Variants in PRR16 observed in about 807,000 individuals in gnomAD.
PRR16 encodes the protein proline rich 16.
A neutral mutation model predicts 18.2 loss-of-function variants in PRR16; 6 were observed. The ratio of observed to expected loss-of-function variants is 0.33; its 90% confidence interval spans 0.18 to 0.65. PRR16 has a LOEUF of 0.65. Among genes scored for constraint, PRR16 ranks in the 30% least tolerant of loss-of-function variants. The pLI, the probability that PRR16 is intolerant of heterozygous loss-of-function variation, is 0.74. For synonymous variants in PRR16, 151 were observed against 147.8 expected, an observed-to-expected ratio of 1.02 and a Z score of -0.16; for missense variants, 412 against 376.6, an observed-to-expected ratio of 1.09 and a Z score of -0.78.
At chr5:120,581,866 C>T (rs1040012188) in intron 1 of PRR16, among the ~76,000 whole-genome samples, 14 of 152,212 alleles carry the variant, frequency 9.2e-5, no homozygotes, top group Admixed American at 3.9e-4. Context: ...TATGATTTCA[C>T]TGTGGTCTGA....
the PRR16 span, among the ~76,000 whole-genome samples, chr5:120,727,500 G>T: frequency 6.6e-6 from 1 of 152,062 alleles, no homozygotes; most frequent in East Asian, 1.9e-4. Context: ...TCTTTTCTTT[G>T]CAACCTTTCA....
chr5:120,593,868 G>A (rs942466062), intron 1 of PRR16, among the ~76,000 whole-genome samples: 2 of 152,004 alleles, frequency 1.3e-5, no homozygotes, highest in Non-Finnish European at 2.9e-5. Context: ...CAATAAATGT[G>A]ATTCATCACA....
At chr5:120,735,664 T>TTGGTGG in the PRR16 span, among the ~76,000 whole-genome samples, 5 of 1,790 alleles carry the variant, frequency 2.8e-3, no homozygotes, top group African/African-American at 3.0e-3. Flanking sequence ...ACTCATATTT[T>TTGGTGG]TGTTGTTGTT....
At chr5:120,695,917 C>T in the PRR16 span, among the ~76,000 whole-genome samples, 3 of 104,952 alleles carry the variant, frequency 2.9e-5, no homozygotes, top group East Asian at 2.9e-4. Flanking sequence ...AATCTTATTC[C>T]AACATATATA....
At chr5:120,648,264 C>T (rs1755661634) in intron 1 of PRR16, among the ~76,000 whole-genome samples, 1 of 152,060 alleles carries the variant, frequency 6.6e-6, no homozygotes, top group Non-Finnish European at 1.5e-5. Flanking sequence ...TATTGAGTGT[C>T]TTTAATAGTT....
chr5:120,568,922 A>G (rs980071252), intron 1 of PRR16, among the ~76,000 whole-genome samples: 1 of 152,032 alleles, frequency 6.6e-6, no homozygotes, highest in African/African-American at 2.4e-5. Context: ...AAACAAACAC[A>G]ATAGCATCAC....
chr5:120,539,229 A>G (rs1751829154), intron 1 of PRR16, among the ~76,000 whole-genome samples: 1 of 151,548 alleles, frequency 6.6e-6, no homozygotes, highest in Non-Finnish European at 1.5e-5. Context: ...GAAACAGTAA[A>G]TATTATTTTC....
intron 1 of PRR16, among the ~76,000 whole-genome samples, chr5:120,468,273 G>T (rs72786239): frequency 3.3e-5 from 5 of 152,236 alleles, no homozygotes; most frequent in Non-Finnish European, 7.4e-5. Context: ...ATATACAGGA[G>T]ATTACATATT....
chr5:120,482,670 G>A (rs1479967308), intron 1 of PRR16, among the ~76,000 whole-genome samples: 1 of 152,016 alleles, frequency 6.6e-6, no homozygotes, highest in Non-Finnish European at 1.5e-5. Context: ...TGGGTTTAAT[G>A]GTATTTTTAT....
At chr5:120,627,856 A>C (rs1754917501) in intron 1 of PRR16, among the ~76,000 whole-genome samples, 1 of 152,126 alleles carries the variant, frequency 6.6e-6, no homozygotes, top group Non-Finnish European at 1.5e-5. Context: ...TTAAAGAAAG[A>C]CTTGTCAAAA....
intron 1 of PRR16, among the ~76,000 whole-genome samples, chr5:120,650,867 G>A (rs897183680): frequency 7.9e-5 from 12 of 152,004 alleles, no homozygotes; most frequent in African/African-American, 2.9e-4. Context: ...TGGGTCAAAT[G>A]GTATTTCTAG....
intron 1 of PRR16, among the ~76,000 whole-genome samples, chr5:120,647,105 A>G (rs747955526): frequency 4.6e-5 from 7 of 152,142 alleles, no homozygotes; most frequent in Non-Finnish European, 7.4e-5. Flanking sequence ...TAAGTAAATT[A>G]TTAATGATTT....
At chr5:120,717,409 T>C in the PRR16 span, among the ~76,000 whole-genome samples, 68 of 152,334 alleles carry the variant, frequency 4.5e-4, no homozygotes, top group Admixed American at 1.0e-3. Flanking sequence ...ATTATTTATT[T>C]TTGAAACCGT....
intron 1 of PRR16, among the ~76,000 whole-genome samples, chr5:120,490,461 G>A (rs904213161): frequency 6.6e-6 from 1 of 152,194 alleles, no homozygotes; most frequent in African/African-American, 2.4e-5. Context: ...TGAGGCTTGT[G>A]TATTCGTCAC....
the PRR16 span, among the ~76,000 whole-genome samples, chr5:120,765,853 G>C: frequency 6.6e-6 from 1 of 151,940 alleles, no homozygotes; most frequent in African/African-American, 2.4e-5. Context: ...ACATGGAGAG[G>C]TAAGTTCATA....
intron 1 of PRR16, among the ~76,000 whole-genome samples, chr5:120,678,930 ATTAT>A (rs1252919835): frequency 6.6e-6 from 1 of 152,142 alleles, no homozygotes; most frequent in Non-Finnish European, 1.5e-5. Context: ...AGATTATATA[ATTAT>A]TTAATTTCTT....
At chr5:120,660,691 A>G (rs1347711815) in intron 1 of PRR16, among the ~76,000 whole-genome samples, 1 of 151,984 alleles carries the variant, frequency 6.6e-6, no homozygotes, top group African/African-American at 2.4e-5. Context: ...TTGACATTGT[A>G]GCTTATCTTT....
the PRR16 span, among the ~76,000 whole-genome samples, chr5:120,702,405 A>G: frequency 6.6e-6 from 1 of 151,742 alleles, no homozygotes. Flanking sequence ...CTAAGAGTGA[A>G]GGAGAAGGGG....
intron 1 of PRR16, among the ~76,000 whole-genome samples, chr5:120,527,422 C>T (rs1751408777): frequency 6.6e-6 from 1 of 152,206 alleles, no homozygotes; most frequent in Middle Eastern, 3.4e-3. Context: ...AGGTGGCAGG[C>T]CTGATTTGGC....
Sources: gnomAD v4.1 joint callset for allele counts (sites outside exome capture counted in the v4.1 genomes callset) on GRCh38, gnomAD v4.1.1 for gene constraint, MANE v1.5 for transcripts, NCBI Gene and HGNC (gene_info 2026-07-23, HGNC 2026-07-21) for gene names.